The following NEMP2 variants were observed in gnomAD, a reference collection of about 807,000 sequenced individuals.
NEMP2 encodes UPF0571 transmembrane protein.
In NEMP2, 53 loss-of-function variants were observed where a neutral mutation model predicts 54.2. That is an observed-to-expected ratio of 0.98 (90% confidence interval 0.78 to 1.23). The LOEUF (loss-of-function observed/expected upper bound fraction) is 1.23. Ranked by LOEUF, NEMP2 falls within the 50% of genes most tolerant of loss-of-function variation. NEMP2 has a pLI of 0.00. For synonymous variants in NEMP2, 197 were observed against 190.3 expected (o/e 1.04, Z -0.29); for missense variants, 455 against 511.3 (o/e 0.89, Z 1.06).
the NEMP2 span, among the ~76,000 whole-genome samples, chr2:190,592,796 C>A: frequency 2.6e-5 from 4 of 152,150 alleles, no homozygotes; most frequent in Non-Finnish European, 5.9e-5. The surrounding 1 kb of genome is among the most constrained non-coding windows in gnomAD (Gnocchi z 4.4). Context: ...TAAAGCCTAG[C>A]ATAAATGTGC....
At chr2:190,501,948 AACTG>A (rs565159192), downstream of NEMP2, 499 of 152,786 alleles carry the variant, frequency 3.3e-3, 5 homozygotes, top group South Asian at 6.0e-3. Flanking sequence ...GGATTTGTGA[AACTG>A]ACTGTAGGAA....
Position 190,527,632 on chromosome 2 carries a change from A to C in NEMP2, c.98-2254T>G, listed in dbSNP as rs1338998190. ...TGAAAAGCCAGTAAAAACCACAAGA[A>C]GGAACCTCTAGAGCAAAGGTCCCCA... On this transcript the variant is annotated intron_variant, in intron 1 of 8. Coordinates refer to ENST00000409150, the MANE Select transcript of NEMP2 (RefSeq NM_001142645.2). The surrounding 1 kb of genome is among the most constrained non-coding windows in gnomAD (Gnocchi z 4.0). Among the ~76,000 whole-genome samples the C allele has an allele frequency of 6.6e-6, 1 of 152,194 alleles. No individual in the cohort carries two copies. Among genetic ancestry groups the C allele is most frequent in the Non-Finnish European group, 1.5e-5 (1 of 68,026 alleles).
the NEMP2 span, among the ~76,000 whole-genome samples, chr2:190,487,467 A>G: frequency 6.6e-6 from 1 of 152,258 alleles, no homozygotes; most frequent in Admixed American, 6.5e-5. The surrounding 1 kb of genome is among the most constrained non-coding windows in gnomAD (Gnocchi z 5.5). Context: ...GCTAATTATA[A>G]TGGGGAAAAG....
the NEMP2 span, among the ~76,000 whole-genome samples, chr2:190,483,473 G>C: frequency 6.6e-6 from 1 of 152,126 alleles, no homozygotes; most frequent in Admixed American, 6.5e-5. Context: ...ACCTATTGGA[G>C]GAATAGATTC....
At chr2:190,518,908 A>G in intron 3 of NEMP2, 44 bp downstream of exon 3, 1 of 1,524,750 alleles carries the variant, frequency 6.6e-7, no homozygotes, top group East Asian at 2.5e-5. Flanking sequence ...GTTACTCCAG[A>G]AAAACTGAAT....
chr2:190,518,100 AAATGAAC>A lies in NEMP2; in HGVS notation c.519-494_519-488del, dbSNP rs535162490. ...GGTAATACTATAAGGAAAAGCTTCA[AAATGAAC>A]AATGTTAAGAATAGCTGACGAGTGT... On this transcript the variant is annotated intron_variant, in intron 4 of 8. Coordinates refer to ENST00000409150, the MANE Select transcript of NEMP2 (RefSeq NM_001142645.2). 8.3e-3 allele frequency among the ~76,000 whole-genome samples: 1,257 copies of A among 152,330 alleles called. 13 individuals carry two copies. Among genetic ancestry groups the A allele is most frequent in the African/African-American group, 0.028 (1,162 of 41,566 alleles).
the NEMP2 span, chr2:190,609,828 G>C: frequency 3.3e-5 from 5 of 152,304 alleles, no homozygotes; most frequent in Non-Finnish European, 7.3e-5. The surrounding 1 kb of genome is among the most constrained non-coding windows in gnomAD (Gnocchi z 4.7). Flanking sequence ...ACTGAATGCA[G>C]TGCTGGAGTG....
At chr2:190,532,796 T>G (rs1691194594) in intron 1 of NEMP2, among the ~76,000 whole-genome samples, 3 of 152,226 alleles carry the variant, frequency 2.0e-5, no homozygotes, top group Non-Finnish European at 4.4e-5. Context: ...AAGCCTAGTC[T>G]AATCCAGGGC....
chr2:190,587,448 C>A, the NEMP2 span, among the ~76,000 whole-genome samples: 1 of 152,098 alleles, frequency 6.6e-6, no homozygotes, highest in Non-Finnish European at 1.5e-5. This position sits in a 1 kb window ranked among gnomAD's most constrained non-coding sequence, Gnocchi z 5.4. Flanking sequence ...GAGTAATAAG[C>A]CATTCTTCAT....
intron 1 of NEMP2, 128 bp downstream of exon 1, chr2:190,534,431 A>G: frequency 8.1e-7 from 1 of 1,227,166 alleles, no homozygotes; most frequent in Non-Finnish European, 1.0e-6. Context: ...CCCCAAAGCG[A>G]GAAAAGGGAG....
At chr2:190,453,054 G>A in the NEMP2 span, among the ~76,000 whole-genome samples, 5 of 152,150 alleles carry the variant, frequency 3.3e-5, no homozygotes, top group African/African-American at 1.2e-4. Flanking sequence ...TGGAGCTCAT[G>A]TTCTGTTGGA....
At chr2:190,646,745 C>CGG in the NEMP2 span, 1 of 152,188 alleles carries the variant, frequency 6.6e-6, no homozygotes, top group Non-Finnish European at 1.5e-5. Flanking sequence ...TCTGTCCTGA[C>CGG]ACATTTCCTT....
the NEMP2 span, among the ~76,000 whole-genome samples, chr2:190,439,712 G>A: frequency 4.6e-5 from 7 of 152,336 alleles, no homozygotes; most frequent in Non-Finnish European, 1.0e-4. This position sits in a 1 kb window ranked among gnomAD's most constrained non-coding sequence, Gnocchi z 5.8. Flanking sequence ...TGTGATGGAA[G>A]AAGATGGCTG....
the NEMP2 span, among the ~76,000 whole-genome samples, chr2:190,577,006 T>C: frequency 6.6e-6 from 1 of 152,108 alleles, no homozygotes; most frequent in Non-Finnish European, 1.5e-5. The surrounding 1 kb of genome is among the most constrained non-coding windows in gnomAD (Gnocchi z 4.8). Flanking sequence ...TTATGCATAA[T>C]ACACTGGGCT....
the NEMP2 span, among the ~76,000 whole-genome samples, chr2:190,455,431 C>A: frequency 1.2e-3 from 190 of 152,210 alleles, 1 homozygote; most frequent in Non-Finnish European, 2.5e-3. Context: ...GGTTTCTGAT[C>A]CAGCTGGGGG....
At chr2:190,486,475 T>C in the NEMP2 span, among the ~76,000 whole-genome samples, 1 of 152,234 alleles carries the variant, frequency 6.6e-6, no homozygotes, top group African/African-American at 2.4e-5. Context: ...GGCTAGAGTC[T>C]TCAACTTGGC....
the NEMP2 span, among the ~76,000 whole-genome samples, chr2:190,486,948 C>G: frequency 6.6e-6 from 1 of 152,158 alleles, no homozygotes; most frequent in African/African-American, 2.4e-5. Context: ...CATTTTTCCA[C>G]CTGTTATCTC....
At chr2:190,497,824 T>A in the NEMP2 span, 1 of 1,339,518 alleles carries the variant, frequency 7.5e-7, no homozygotes, top group Non-Finnish European at 1.0e-6. The surrounding 1 kb of genome is among the most constrained non-coding windows in gnomAD (Gnocchi z 5.2). Context: ...TTATTGAAAG[T>A]CTGGTGGGGG....
At chr2:190,481,695 C>G in the NEMP2 span, among the ~76,000 whole-genome samples, 1 of 152,220 alleles carries the variant, frequency 6.6e-6, no homozygotes, top group South Asian at 2.1e-4. Flanking sequence ...AATATAGATG[C>G]TGAGTAAATA....
Sources: allele counts gnomAD v4.1 joint callset (sites outside exome capture counted in the v4.1 genomes callset), GRCh38; gene constraint gnomAD v4.1.1; non-coding constraint Gnocchi (gnomAD v3.1); transcripts MANE v1.5; gene names NCBI Gene and HGNC (gene_info 2026-07-23, HGNC 2026-07-21).